KIAA1958: variants seen among roughly 807,000 people sequenced by gnomAD.
The protein encoded by KIAA1958 is uncharacterized protein KIAA1958.
KIAA1958 carries 14 observed loss-of-function variants against 47.2 expected under a neutral mutation model. That is an observed-to-expected ratio of 0.30 (90% confidence interval 0.20 to 0.46). The LOEUF (loss-of-function observed/expected upper bound fraction) is 0.46, where lower values mean the gene tolerates loss of function less well. Ranked by LOEUF, KIAA1958 falls within the 20% of genes least tolerant of loss-of-function variation. The pLI, the probability that KIAA1958 is intolerant of heterozygous loss-of-function variation, is 1.00. For missense variants in KIAA1958, 803 were observed against 909.2 expected, an observed-to-expected ratio of 0.88 and a Z score of 1.50; for synonymous variants, 354 against 353.3, an observed-to-expected ratio of 1.00 and a Z score of -0.02.
intron 2 of KIAA1958, among the ~76,000 whole-genome samples, chr9:112,639,198 A>T (rs1371176319): frequency 1.3e-5 from 2 of 152,150 alleles, no homozygotes; most frequent in Non-Finnish European, 1.5e-5. Context: ...AGTGTCTTTT[A>T]TTGGAAAAGG....
chr9:112,574,335 C>T lies in KIAA1958; in HGVS notation c.255C>T (p.Pro85=). ...QDNRSFNSDS[P]SIIGVPSETQ... ...ACAGAAGTTTTAACTCTGATAGTCC[C>T]AGTATAATCGGGGTGCCCTCTGAGA... Residue 85 remains proline (P), a synonymous_variant, in exon 2 of 4, where the codon CCC becomes CCT. Coordinates refer to ENST00000337530, the MANE Select transcript of KIAA1958 (RefSeq NM_133465.4). 1 of 1,614,122 alleles carries T rather than the reference C, an allele frequency of 6.2e-7. No individual in the cohort carries two copies. Among genetic ancestry groups the T allele is most frequent in the Non-Finnish European group, 8.5e-7 (1 of 1,180,010 alleles).
At chr9:112,583,641 C>T (rs377380010) in intron 2 of KIAA1958, among the ~76,000 whole-genome samples, 32 of 152,100 alleles carry the variant, frequency 2.1e-4, no homozygotes, top group Non-Finnish European at 2.9e-4. Flanking sequence ...ATGAATCAGC[C>T]AGATGTACAT....
Position 112,575,266 on chromosome 9 carries a change from G to A in KIAA1958, c.1171+15G>A, listed in dbSNP as rs761843475. Reference sequence around the variant, plus strand: ...GTGCATACCAGGTATGGCACATGAGGCGACAGTGAGTCCCTCATCCACGCA... The same window carrying A: ...GTGCATACCAGGTATGGCACATGAGACGACAGTGAGTCCCTCATCCACGCA... On this transcript the variant is annotated intron_variant, in intron 2 of 3. Coordinates refer to ENST00000337530, the MANE Select transcript of KIAA1958 (RefSeq NM_133465.4). 12 of 1,489,540 alleles carry A rather than the reference G, an allele frequency of 8.1e-6. 1 individual carries two copies. The highest frequency in any genetic ancestry group is 1.8e-4 in the Middle Eastern group (1 of 5,582). 92.3% of individuals were successfully genotyped at this position (1,489,540 alleles called of 1,614,324 possible). A position where few individuals can be genotyped will look rare whatever the true frequency, so the allele number is the denominator to read the frequency against.
intron 1 of KIAA1958, among the ~76,000 whole-genome samples, chr9:112,526,109 C>T (rs1020468268): frequency 1.2e-3 from 3 of 2,408 alleles, no homozygotes; most frequent in Non-Finnish European, 2.7e-3. Flanking sequence ...GGATTACAAG[C>T]ATGAACCACC....
chr9:112,583,828 C>T (rs187947921), intron 2 of KIAA1958, among the ~76,000 whole-genome samples: 38 of 152,126 alleles, frequency 2.5e-4, no homozygotes, highest in East Asian at 7.7e-4. Context: ...TGGTTTTCTT[C>T]GAGGAGGGGG....
At chr9:112,499,667 A>G (rs1834099690) in intron 1 of KIAA1958, among the ~76,000 whole-genome samples, 2 of 145,624 alleles carry the variant, frequency 1.4e-5, no homozygotes, top group South Asian at 4.4e-4. Context: ...CACAAACTAT[A>G]TTTCCTATCT....
At chr9:112,489,897 G>A (rs1221214315) in intron 1 of KIAA1958, among the ~76,000 whole-genome samples, 3 of 152,212 alleles carry the variant, frequency 2.0e-5, no homozygotes, top group Non-Finnish European at 2.9e-5. Context: ...TAACTGGAAT[G>A]CTCAAATGAC....
intron 2 of KIAA1958, among the ~76,000 whole-genome samples, chr9:112,591,336 G>A (rs973011596): frequency 1.3e-5 from 2 of 151,912 alleles, no homozygotes; most frequent in Admixed American, 6.6e-5. Flanking sequence ...CGCCCGTCTC[G>A]GCCTCCCACA....
chr9:112,499,286 T>A (rs1258771124), intron 1 of KIAA1958, among the ~76,000 whole-genome samples: 1 of 152,212 alleles, frequency 6.6e-6, no homozygotes, highest in African/African-American at 2.4e-5. Context: ...AGCAGTGGGA[T>A]TGCTGGATTA....
chr9:112,495,518 C>T (rs1834038459), intron 1 of KIAA1958, among the ~76,000 whole-genome samples: 1 of 152,022 alleles, frequency 6.6e-6, no homozygotes, highest in South Asian at 2.1e-4. Flanking sequence ...TGAAAAATAC[C>T]AAGTATGAGG....
intron 2 of KIAA1958, among the ~76,000 whole-genome samples, chr9:112,628,792 T>C (rs1836662754): frequency 6.6e-6 from 1 of 152,158 alleles, no homozygotes; most frequent in African/African-American, 2.4e-5. Flanking sequence ...ATTTATTAGG[T>C]TTCTAATTTA....
chr9:112,494,748 G>A lies in KIAA1958; in HGVS notation c.-25+7630G>A, dbSNP rs371312178. 9.2e-5 allele frequency among the ~76,000 whole-genome samples: 14 copies of A among 152,144 alleles called. No homozygotes were observed. The East Asian group carries it at 2.1e-3, about 23-fold the overall frequency. ...CTCCCAAAGTGCTGGGATTACAGGTGTGAGCCACCGTATCTGGTGGTACCT... is the reference window on the plus strand; with the variant it reads ...CTCCCAAAGTGCTGGGATTACAGGTATGAGCCACCGTATCTGGTGGTACCT... On this transcript the variant is annotated intron_variant, in intron 1 of 3. Coordinates refer to ENST00000337530, the MANE Select transcript of KIAA1958 (RefSeq NM_133465.4).
intron 1 of KIAA1958, among the ~76,000 whole-genome samples, chr9:112,538,143 C>A (rs1274877160): frequency 6.6e-6 from 1 of 151,908 alleles, no homozygotes; most frequent in Admixed American, 6.6e-5. Context: ...CTAGCCTGGG[C>A]AACATGGGGA....
chr9:112,629,424 A>T (rs1334053145), intron 2 of KIAA1958, among the ~76,000 whole-genome samples: 2 of 152,220 alleles, frequency 1.3e-5, no homozygotes, highest in Non-Finnish European at 2.9e-5. Flanking sequence ...ACTTTTTAAA[A>T]GCTGCTACAG....
chr9:112,595,729 G>A (rs1320809827), intron 2 of KIAA1958, among the ~76,000 whole-genome samples: 1 of 151,022 alleles, frequency 6.6e-6, no homozygotes, highest in Non-Finnish European at 1.5e-5. Context: ...ATATTGATTG[G>A]CAGTAGCACT....
At chr9:112,624,221 A>G (rs1342295201) in intron 2 of KIAA1958, among the ~76,000 whole-genome samples, 1 of 152,232 alleles carries the variant, frequency 6.6e-6, no homozygotes, top group African/African-American at 2.4e-5. Flanking sequence ...TGTTTCCCAA[A>G]TAGAATTCTA....
At chr9:112,491,330 C>G (rs970302923) in intron 1 of KIAA1958, among the ~76,000 whole-genome samples, 1 of 152,182 alleles carries the variant, frequency 6.6e-6, no homozygotes, top group East Asian at 1.9e-4. Context: ...CATTAAAAAT[C>G]TTACCATAAA....
chr9:112,634,529 C>T (rs1158113583), intron 2 of KIAA1958, among the ~76,000 whole-genome samples: 2 of 152,176 alleles, frequency 1.3e-5, no homozygotes. Context: ...CCGCGACTGG[C>T]CGTTTTGTCC....
At chr9:112,533,643 G>A (rs1428308514) in intron 1 of KIAA1958, among the ~76,000 whole-genome samples, 1 of 151,498 alleles carries the variant, frequency 6.6e-6, no homozygotes, top group African/African-American at 2.4e-5. Flanking sequence ...TCCCATTGCT[G>A]GGGAGACCTC....
Sources: gnomAD v4.1 joint callset for allele counts (sites outside exome capture counted in the v4.1 genomes callset) on GRCh38, gnomAD v4.1.1 for gene constraint, MANE v1.5 for transcripts, NCBI Gene and HGNC (gene_info 2026-07-23, HGNC 2026-07-21) for gene names.